ZNF644: variants seen among roughly 807,000 people sequenced by gnomAD.
The protein encoded by ZNF644 is zinc finger protein 644.
A neutral mutation model predicts 108.0 loss-of-function variants in ZNF644; 20 were observed. That is an observed-to-expected ratio of 0.19 (90% CI 0.13 to 0.27). The LOEUF (loss-of-function observed/expected upper bound fraction) is 0.27, where lower values mean the gene tolerates loss of function less well. ZNF644 is among the 10% of genes least tolerant of loss of function. ZNF644 has a pLI of 1.00. For synonymous variants in ZNF644, 542 were observed against 539.1 expected (o/e 1.01, Z -0.08); for missense variants, 1,338 against 1,548.9 (o/e 0.86, Z 2.29).
Position 90,955,453 on chromosome 1 carries a change from C to T in ZNF644, c.45-14144G>A, listed in dbSNP as rs906110469. On this transcript the variant is annotated intron_variant, in intron 2 of 5. Transcript: ENST00000337393. The stretch of plus-strand genomic sequence containing the variant: ...CTTGTAGAAAGCTGTTTCATCTACA[C>T]TGAAAAATCTGTTGGTTAGTGTAGC... 1.8e-4 allele frequency among the ~76,000 whole-genome samples: 28 copies of T among 152,212 alleles called. 1 individual carries two copies. Among genetic ancestry groups the T allele is most frequent in the Admixed American group, 1.6e-3 (24 of 15,284 alleles).
At chr1:90,926,417 C>A (rs899384769) in intron 4 of ZNF644, among the ~76,000 whole-genome samples, 5 of 152,176 alleles carry the variant, frequency 3.3e-5, no homozygotes, top group African/African-American at 1.2e-4. Flanking sequence ...TCCTGTCTCA[C>A]CCTTCCTCCT....
At chr1:90,927,862 G>C (rs976473650) in intron 4 of ZNF644, among the ~76,000 whole-genome samples, 1 of 149,086 alleles carries the variant, frequency 6.7e-6, no homozygotes, top group Non-Finnish European at 1.5e-5. Flanking sequence ...TCCTTCTTTG[G>C]AGATGGAGTC....
chr1:90,916,312 T>C lies in ZNF644; in HGVS notation c.*486A>G, dbSNP rs1276802205. 1.2e-5 allele frequency: 2 copies of C among 169,090 alleles called. No homozygotes were observed. Among genetic ancestry groups the C allele is most frequent in the Admixed American group, 5.7e-5 (1 of 17,478 alleles). The allele number at this position is 169,090 out of a possible 1,614,324, so 10.5% of individuals were successfully genotyped here. The stretch of plus-strand genomic sequence containing the variant: ...TATTTGAGTGAACAGTCTCAAACTA[T>C]GAAGTACATGATATTTAATGCCCTA... On this transcript the variant is annotated 3_prime_UTR_variant, in exon 6 of 6. Transcript: ENST00000337393.
chr1:90,945,120 C>T (rs545795315), intron 2 of ZNF644, among the ~76,000 whole-genome samples: 3 of 151,932 alleles, frequency 2.0e-5, no homozygotes, highest in African/African-American at 4.8e-5. Context: ...AAAGTAGGAA[C>T]GTATTTGAAG....
intron 2 of ZNF644, among the ~76,000 whole-genome samples, chr1:90,945,190 A>T (rs1230124001): frequency 6.6e-6 from 1 of 152,102 alleles, no homozygotes; most frequent in African/African-American, 2.4e-5. Flanking sequence ...AAATAAACTG[A>T]TGTTTGGACT....
At chr1:90,981,912 A>G (rs2101484137) in intron 2 of ZNF644, among the ~76,000 whole-genome samples, 2 of 152,236 alleles carry the variant, frequency 1.3e-5, no homozygotes, top group African/African-American at 4.8e-5. Flanking sequence ...AAAATTCACA[A>G]AAGCAATGAC....
intron 2 of ZNF644, 148 bp downstream of exon 2, chr1:90,982,162 A>G (rs1656613788): frequency 1.6e-6 from 1 of 630,406 alleles, no homozygotes; most frequent in Non-Finnish European, 2.8e-6. Flanking sequence ...CAACTGGACC[A>G]AGTGTGTCAA....
intron 4 of ZNF644, among the ~76,000 whole-genome samples, chr1:90,924,390 A>G (rs2100812175): frequency 6.6e-6 from 1 of 152,296 alleles, no homozygotes; most frequent in East Asian, 1.9e-4. Context: ...GTACATAATG[A>G]CAATCTGCTT....
At chr1:90,932,505 T>C (rs1650848253) in intron 4 of ZNF644, among the ~76,000 whole-genome samples, 1 of 152,184 alleles carries the variant, frequency 6.6e-6, no homozygotes, top group Non-Finnish European at 1.5e-5. Context: ...AGATCATGTG[T>C]TCTTGAAAAA....
chr1:90,952,071 T>C (rs1000773149), intron 2 of ZNF644, among the ~76,000 whole-genome samples: 1 of 152,052 alleles, frequency 6.6e-6, no homozygotes, highest in African/African-American at 2.4e-5. Context: ...CTCACCCCTC[T>C]CCCTGACTCC....
intron 4 of ZNF644, among the ~76,000 whole-genome samples, chr1:90,920,900 C>T (rs1311190180): frequency 6.6e-6 from 1 of 152,008 alleles, no homozygotes; most frequent in Admixed American, 6.6e-5. Flanking sequence ...TTTATTATCT[C>T]CTGAAATGTT....
chr1:91,014,445 T>A (rs1660254201), intron 1 of ZNF644, among the ~76,000 whole-genome samples: 4 of 152,070 alleles, frequency 2.6e-5, no homozygotes, highest in Admixed American at 2.0e-4. Context: ...GTTCAAATAT[T>A]AAAAAAAAGT....
At chr1:91,015,076 C>T (rs895943885) in intron 1 of ZNF644, among the ~76,000 whole-genome samples, 2 of 152,060 alleles carry the variant, frequency 1.3e-5, no homozygotes, top group Non-Finnish European at 2.9e-5. Flanking sequence ...ACTTCCCCTC[C>T]CTCACTTTCC....
At chr1:90,924,919 CATCCTTTTGCCCTAACCTCCAATAGAG>C (rs1218120458) in intron 4 of ZNF644, among the ~76,000 whole-genome samples, 6 of 152,100 alleles carry the variant, frequency 3.9e-5, no homozygotes, top group Non-Finnish European at 8.8e-5. Context: ...ACCAATAAGC[CATCCTTTTGCCCTAACCTCCAATAGAG>C]AAAGTCTGAG....
chr1:90,955,467 G>T (rs1459904783), intron 2 of ZNF644, among the ~76,000 whole-genome samples: 1 of 152,204 alleles, frequency 6.6e-6, no homozygotes, highest in Admixed American at 6.5e-5. Context: ...AAAATCTGTT[G>T]GTTAGTGTAG....
At chr1:90,994,464 C>T (rs983389140) in intron 1 of ZNF644, among the ~76,000 whole-genome samples, 1 of 151,946 alleles carries the variant, frequency 6.6e-6, no homozygotes, top group African/African-American at 2.4e-5. Flanking sequence ...AGTCAGAGAA[C>T]CAGAGGGGTG....
chr1:91,005,230 C>T (rs1659303516), intron 1 of ZNF644, among the ~76,000 whole-genome samples: 1 of 152,062 alleles, frequency 6.6e-6, no homozygotes, highest in East Asian at 1.9e-4. Flanking sequence ...AAAATTGCTA[C>T]TACAGAGAAT....
At chr1:90,934,752 C>T (rs967312752) in intron 4 of ZNF644, among the ~76,000 whole-genome samples, 50 of 152,266 alleles carry the variant, frequency 3.3e-4, no homozygotes, top group African/African-American at 1.2e-3. Flanking sequence ...AATCTATTCG[C>T]TTGTCAACAC....
chr1:91,015,659 A>T (rs1367491960), intron 1 of ZNF644, among the ~76,000 whole-genome samples: 1 of 152,152 alleles, frequency 6.6e-6, no homozygotes, highest in Non-Finnish European at 1.5e-5. Flanking sequence ...GCATTCCTGA[A>T]ATATTTAACC....
Sources: allele counts gnomAD v4.1 joint callset (sites outside exome capture counted in the v4.1 genomes callset), GRCh38; gene constraint gnomAD v4.1.1; transcripts MANE v1.5; gene names NCBI Gene and HGNC (gene_info 2026-07-23, HGNC 2026-07-21).